POU6F2: variants seen among roughly 807,000 people sequenced by gnomAD.
POU6F2 encodes the protein POU class 6 homeobox 2.
POU6F2 carries 31 observed loss-of-function variants against 71.3 expected under a neutral mutation model. That is an observed-to-expected ratio of 0.43 (90% CI 0.33 to 0.59). The LOEUF is 0.59. Among genes scored for constraint, POU6F2 ranks in the 20% least tolerant of loss-of-function variants. The pLI is 0.04. For missense variants in POU6F2, 783 were observed against 856.8 expected, an observed-to-expected ratio of 0.91 and a Z score of 1.07; for synonymous variants, 347 against 355.7, an observed-to-expected ratio of 0.98 and a Z score of 0.27.
intron 5 of POU6F2, among the ~76,000 whole-genome samples, chr7:39,375,873 G>A (rs957495361): frequency 6.6e-6 from 1 of 152,046 alleles, no homozygotes; most frequent in African/African-American, 2.4e-5. Flanking sequence ...TGTTGTTGTT[G>A]TTGTTTCTCT....
At chr7:39,309,711 T>C (rs1299857968) in intron 4 of POU6F2, among the ~76,000 whole-genome samples, 1 of 152,192 alleles carries the variant, frequency 6.6e-6, no homozygotes, top group Non-Finnish European at 1.5e-5. Context: ...TCCTGTACAA[T>C]GGAGGCTTTT....
chr7:39,040,614 C>T (rs1472782239), intron 1 of POU6F2, among the ~76,000 whole-genome samples: 1 of 151,768 alleles, frequency 6.6e-6, no homozygotes, highest in African/African-American at 2.4e-5. Context: ...AGTGGTTATT[C>T]TGAAATAGAA....
intron 2 of POU6F2, among the ~76,000 whole-genome samples, chr7:39,116,335 T>C (rs1275884620): frequency 6.6e-6 from 1 of 152,120 alleles, no homozygotes; most frequent in Admixed American, 6.6e-5. Context: ...CAGTAAGCCG[T>C]GATCATGCCA....
At chr7:39,053,726 C>T (rs928882517) in intron 1 of POU6F2, among the ~76,000 whole-genome samples, 1 of 151,886 alleles carries the variant, frequency 6.6e-6, no homozygotes, top group African/African-American at 2.4e-5. Context: ...CAGGCTGTCA[C>T]GCTGTAAAAA....
chr7:39,377,290 C>G (rs1199913074), intron 5 of POU6F2, among the ~76,000 whole-genome samples: 2 of 151,948 alleles, frequency 1.3e-5, no homozygotes, highest in Admixed American at 6.6e-5. Context: ...ACCACCACAC[C>G]TGGCTAACTT....
intron 4 of POU6F2, among the ~76,000 whole-genome samples, chr7:39,265,702 G>A (rs992150364): frequency 1.1e-4 from 16 of 152,128 alleles, no homozygotes; most frequent in African/African-American, 3.1e-4. Context: ...TTTCCATCTC[G>A]CTTTGACTCC....
chr7:39,176,032 C>T (rs1236947709), intron 2 of POU6F2, among the ~76,000 whole-genome samples: 1 of 152,116 alleles, frequency 6.6e-6, no homozygotes, highest in Non-Finnish European at 1.5e-5. Context: ...TCTCATTTTT[C>T]TTTTTGTTTT....
At chr7:39,276,140 G>C (rs935398911) in intron 4 of POU6F2, among the ~76,000 whole-genome samples, 1 of 151,766 alleles carries the variant, frequency 6.6e-6, no homozygotes, top group Non-Finnish European at 1.5e-5. Flanking sequence ...GAAAATTTTC[G>C]CAACCTACTC....
At chr7:39,021,538 T>G (rs1166673828) in intron 1 of POU6F2, among the ~76,000 whole-genome samples, 1 of 152,050 alleles carries the variant, frequency 6.6e-6, no homozygotes, top group Non-Finnish European at 1.5e-5. Context: ...ATCTATTTTT[T>G]CTTTCAAGAA....
chr7:39,399,365 A>G (rs1038243508), intron 5 of POU6F2, among the ~76,000 whole-genome samples: 1 of 152,116 alleles, frequency 6.6e-6, no homozygotes, highest in African/African-American at 2.4e-5. Context: ...ACTGACCCCC[A>G]CTTCAGCTGC....
In POU6F2 at chr7:39,276,655, A is replaced by T. The variant is rs1286526899; in HGVS notation, c.599-62987A>T. The stretch of plus-strand genomic sequence containing the variant: ...TAGCAAAGACTTGGACCCAACCCAA[A>T]TGTCCAACAATGATAGACTGGATTA... On this transcript the variant is annotated intron_variant, in intron 4 of 9. Coordinates refer to ENST00000518318, the MANE Select transcript of POU6F2 (RefSeq NM_001370959.1). Among the ~76,000 whole-genome samples, 4 of 151,992 alleles carry T rather than the reference A, an allele frequency of 2.6e-5. No individual in the cohort carries two copies. The South Asian group carries it at 8.3e-4, about 32-fold the overall frequency.
intron 5 of POU6F2, among the ~76,000 whole-genome samples, chr7:39,352,557 C>T (rs961959097): frequency 3.3e-5 from 5 of 152,076 alleles, no homozygotes; most frequent in African/African-American, 7.2e-5. Context: ...AGTGGTGGTT[C>T]GGAGAAATTC....
At chr7:39,265,395 A>C (rs1351547372) in intron 4 of POU6F2, among the ~76,000 whole-genome samples, 1 of 152,198 alleles carries the variant, frequency 6.6e-6, no homozygotes, top group Non-Finnish European at 1.5e-5. Flanking sequence ...CTCAGAGAGA[A>C]AACCAGAGTT....
chr7:39,421,120 T>C (rs1243541538), intron 6 of POU6F2, among the ~76,000 whole-genome samples: 1 of 152,132 alleles, frequency 6.6e-6, no homozygotes, highest in Non-Finnish European at 1.5e-5. Context: ...TGCAGATTGT[T>C]CACCTATGAA....
intron 6 of POU6F2, among the ~76,000 whole-genome samples, chr7:39,430,507 A>G (rs1171102695): frequency 1.3e-5 from 2 of 152,254 alleles, no homozygotes; most frequent in Admixed American, 6.5e-5. Flanking sequence ...ATGTGCTGGC[A>G]CAGTTGAAAG....
intron 2 of POU6F2, among the ~76,000 whole-genome samples, chr7:39,087,657 A>G (rs948610726): frequency 1.3e-5 from 2 of 152,202 alleles, no homozygotes; most frequent in African/African-American, 4.8e-5. Context: ...ATGCTAAGTA[A>G]GCACTTTGAC....
intron 7 of POU6F2, among the ~76,000 whole-genome samples, chr7:39,439,984 T>C (rs1788354501): frequency 6.6e-6 from 1 of 152,218 alleles, no homozygotes; most frequent in Non-Finnish European, 1.5e-5. Flanking sequence ...GAAAATTCTT[T>C]TCTTTAAGAT....
intron 2 of POU6F2, among the ~76,000 whole-genome samples, chr7:39,099,481 T>C (rs1791525361): frequency 6.6e-6 from 1 of 152,224 alleles, no homozygotes. Context: ...TGTCTCTAGT[T>C]AAATGTCCAG....
rs796495649 is a variant in POU6F2, at chr7:39,241,018, G to T, written c.598+33398G>T. Among the ~76,000 whole-genome samples, 9 of 152,198 alleles carry T rather than the reference G, an allele frequency of 5.9e-5. 1 individual carries two copies. Among genetic ancestry groups the T allele is most frequent in the African/African-American group, 1.9e-4 (8 of 41,530 alleles). ...TGGGCATATTAACTTTCTTGCAGCTGACTCACCTTGTGGTTGCCAAACAGC... is the reference window on the plus strand; with the variant it reads ...TGGGCATATTAACTTTCTTGCAGCTTACTCACCTTGTGGTTGCCAAACAGC... On this transcript the variant is annotated intron_variant, in intron 4 of 9. Transcript: ENST00000518318.
Sources: allele counts gnomAD v4.1 joint callset (sites outside exome capture counted in the v4.1 genomes callset), GRCh38; gene constraint gnomAD v4.1.1; transcripts MANE v1.5; gene names NCBI Gene and HGNC (gene_info 2026-07-23, HGNC 2026-07-21).